CEP112: variants seen among roughly 807,000 people sequenced by gnomAD.
The protein encoded by CEP112 is centrosomal protein 112.
CEP112 carries 127 observed loss-of-function variants against 153.0 expected under a neutral mutation model. The observed-to-expected ratio is 0.83, with a 90% CI of 0.72 to 0.96. The LOEUF is 0.96. Among genes scored for constraint, CEP112 ranks in the 40% least tolerant of loss-of-function variants. The probability of loss-of-function intolerance (pLI) is 0.00; values close to 1 mark genes in which losing one functional copy is unlikely to be tolerated. For missense variants in CEP112, 1,089 were observed against 1,101.2 expected (o/e 0.99, Z 0.16); for synonymous variants, 358 against 374.4 (o/e 0.96, Z 0.51).
At chr17:66,040,770 A>G (rs1373082) in intron 12 of CEP112, among the ~76,000 whole-genome samples, 149,870 of 152,314 alleles carry the variant, frequency 0.98, 73,781 homozygotes, top group Middle Eastern at 1. Flanking sequence ...GATTACAGGC[A>G]TAGGCCACCA....
intron 21 of CEP112, among the ~76,000 whole-genome samples, chr17:65,821,511 T>A (rs1261814465): frequency 9.5e-6 from 1 of 105,156 alleles, no homozygotes; most frequent in African/African-American, 3.5e-5. Context: ...TATATATATA[T>A]AATTATATAT....
intron 21 of CEP112, chr17:65,826,078 G>A: frequency 3.9e-6 from 6 of 1,543,196 alleles, no homozygotes; most frequent in Non-Finnish European, 5.4e-6. Context: ...GCTCAGCAAT[G>A]AGATTTATTT....
chr17:65,961,351 T>A (rs1302752891), intron 18 of CEP112, 112 bp downstream of exon 18: 1 of 1,102,380 alleles, frequency 9.1e-7, no homozygotes, highest in African/African-American at 1.6e-5. Flanking sequence ...GTATGGCTAA[T>A]TTTGATACAG....
chr17:65,917,990 A>G (rs2060558386), intron 19 of CEP112, among the ~76,000 whole-genome samples: 1 of 152,098 alleles, frequency 6.6e-6, no homozygotes, highest in African/African-American at 2.4e-5. Context: ...CAGTCTGGGC[A>G]ACACGATGAA....
At chr17:66,029,098 G>A in intron 14 of CEP112, 25 bp downstream of exon 14, 1 of 1,538,624 alleles carries the variant, frequency 6.5e-7, no homozygotes, top group South Asian at 1.2e-5. Flanking sequence ...ACTTCATGTG[G>A]ATTATCTATT....
At chr17:65,887,159 G>A (rs1444808870) in intron 20 of CEP112, among the ~76,000 whole-genome samples, 2 of 152,086 alleles carry the variant, frequency 1.3e-5, no homozygotes, top group Non-Finnish European at 1.5e-5. Flanking sequence ...ATGAGGTGCA[G>A]GGGAGACAGA....
chr17:65,975,709 G>T (rs1440629050), intron 17 of CEP112, among the ~76,000 whole-genome samples: 2 of 152,172 alleles, frequency 1.3e-5, no homozygotes, highest in Non-Finnish European at 1.5e-5. Context: ...AACTTTAAAT[G>T]CATAAGATAG....
chr17:66,086,278 A>G (rs2067925031), intron 8 of CEP112, among the ~76,000 whole-genome samples: 1 of 152,008 alleles, frequency 6.6e-6, no homozygotes. Context: ...AGGGACATGT[A>G]AGGCTCTAAC....
At chr17:65,860,065 G>C (rs965415743) in intron 20 of CEP112, among the ~76,000 whole-genome samples, 2 of 150,572 alleles carry the variant, frequency 1.3e-5, no homozygotes, top group Middle Eastern at 3.5e-3. Context: ...TGCCATGACG[G>C]TATATATAAA....
chr17:66,187,386 T>C (rs979951306), intron 1 of CEP112, among the ~76,000 whole-genome samples: 4 of 152,206 alleles, frequency 2.6e-5, no homozygotes, highest in Non-Finnish European at 4.4e-5. Flanking sequence ...TCTATCTCCA[T>C]CATGGTAGCA....
chr17:65,743,051 T>C lies in CEP112; in HGVS notation c.2607+17A>G. The C allele has an allele frequency of 6.3e-7, 1 of 1,591,984 alleles. No individual in the cohort carries two copies. Among genetic ancestry groups the C allele is most frequent in the Non-Finnish European group, 8.6e-7 (1 of 1,169,318 alleles). ...TAAAGCAGCTGGTACCACTGGTTAC[T>C]GAAGTCTTCAGATTACCTTGATTGC... On this transcript the variant is annotated intron_variant, in intron 23 of 26. Transcript: ENST00000535342.
rs552422360 is a variant in CEP112 at position 66,143,625 on chromosome 17, C to T, written c.471-10862G>A. ...TTACAATTCGATACACAGAAAGGTG[C>T]AAAATTTTTAAAGGAATTATAGCTT... On this transcript the variant is annotated intron_variant, in intron 4 of 26. Transcript: ENST00000535342. Among the ~76,000 whole-genome samples, 15 of 152,218 alleles carry T rather than the reference C, an allele frequency of 9.9e-5. 1 individual carries two copies. The South Asian group carries it at 3.1e-3, about 32-fold the overall frequency.
chr17:65,770,246 T>C (rs903086048), intron 21 of CEP112, among the ~76,000 whole-genome samples: 1 of 151,770 alleles, frequency 6.6e-6, no homozygotes, highest in Non-Finnish European at 1.5e-5. Flanking sequence ...TAAAATCTTA[T>C]AAGAAGCCAG....
intron 16 of CEP112, 147 bp from the exon 17 acceptor site, chr17:66,005,916 T>C (rs2064254232): frequency 3.1e-6 from 2 of 650,954 alleles, no homozygotes; most frequent in South Asian, 5.5e-5. Context: ...TGGTCTACCA[T>C]AGAATGATTT....
At chr17:65,761,955 G>A (rs2052640100) in intron 21 of CEP112, among the ~76,000 whole-genome samples, 1 of 152,058 alleles carries the variant, frequency 6.6e-6, no homozygotes, top group Admixed American at 6.6e-5. Context: ...TGATTTTTCT[G>A]CCTGCTGGAT....
At chr17:66,045,227 G>A (rs1174798562) in intron 12 of CEP112, among the ~76,000 whole-genome samples, 4 of 151,770 alleles carry the variant, frequency 2.6e-5, no homozygotes, top group Non-Finnish European at 2.9e-5. Context: ...GCACTACCAC[G>A]CCCGGCTAAT....
intron 20 of CEP112, among the ~76,000 whole-genome samples, chr17:65,861,780 C>T (rs1029732057): frequency 1.3e-5 from 2 of 152,154 alleles, no homozygotes; most frequent in Admixed American, 6.5e-5. Context: ...GGTACTCTTA[C>T]ACATTATTGA....
chr17:65,777,936 A>T (rs535918815), intron 21 of CEP112, among the ~76,000 whole-genome samples: 4 of 152,302 alleles, frequency 2.6e-5, no homozygotes, highest in African/African-American at 9.6e-5. Flanking sequence ...TCATTGGTCC[A>T]TCACATTTCC....
intron 24 of CEP112, among the ~76,000 whole-genome samples, chr17:65,644,999 A>G (rs1282244511): frequency 2.0e-5 from 3 of 152,074 alleles, no homozygotes; most frequent in African/African-American, 7.2e-5. Context: ...ATGCTTTGAT[A>G]CTAATTATTT....
Sources: gnomAD v4.1 joint callset for allele counts (sites outside exome capture counted in the v4.1 genomes callset) on GRCh38, gnomAD v4.1.1 for gene constraint, MANE v1.5 for transcripts, NCBI Gene and HGNC (gene_info 2026-07-23, HGNC 2026-07-21) for gene names.